ROBO2: variants seen among roughly 807,000 people sequenced by gnomAD.
ROBO2 encodes the protein roundabout guidance receptor 2.
In ROBO2, 53 loss-of-function variants were observed where a neutral mutation model predicts 160.8. The observed-to-expected ratio is 0.33, with a 90% confidence interval of 0.26 to 0.41. The LOEUF (loss-of-function observed/expected upper bound fraction) is 0.41, where lower values mean the gene tolerates loss of function less well. ROBO2 is among the 10% of genes least tolerant of loss of function. ROBO2 has a pLI of 1.00. For synonymous variants in ROBO2, 664 were observed against 611.7 expected (o/e 1.09, Z -1.26); for missense variants, 1,577 against 1,722.4 (o/e 0.92, Z 1.49).
intron 2 of ROBO2, among the ~76,000 whole-genome samples, chr3:77,296,837 G>A (rs1211570636): frequency 6.6e-6 from 1 of 152,074 alleles, no homozygotes; most frequent in Non-Finnish European, 1.5e-5. Flanking sequence ...AAGCTTCTAG[G>A]CCATTATACC....
intron 2 of ROBO2, among the ~76,000 whole-genome samples, chr3:76,664,977 C>A (rs757550766): frequency 6.6e-6 from 1 of 152,194 alleles, no homozygotes; most frequent in East Asian, 1.9e-4. Flanking sequence ...AGATGAATTG[C>A]GTGAGGGCCA....
intron 2 of ROBO2, among the ~76,000 whole-genome samples, chr3:76,700,670 C>T (rs865894717): frequency 3.9e-5 from 6 of 152,114 alleles, no homozygotes; most frequent in Admixed American, 2.0e-4. Flanking sequence ...TGACTATCTT[C>T]TTCAATGAAG....
intron 22 of ROBO2, among the ~76,000 whole-genome samples, chr3:77,621,978 C>G (rs1054830621): frequency 1.3e-5 from 2 of 151,938 alleles, no homozygotes; most frequent in African/African-American, 4.8e-5. Flanking sequence ...ATACTGGGCC[C>G]GTATTTTTTT....
At chr3:76,586,262 G>A (rs2086032486) in intron 2 of ROBO2, among the ~76,000 whole-genome samples, 1 of 152,198 alleles carries the variant, frequency 6.6e-6, no homozygotes, top group Non-Finnish European at 1.5e-5. Context: ...AAGTTTTCAT[G>A]TAGGTTGTAT....
intron 1 of ROBO2, among the ~76,000 whole-genome samples, chr3:75,931,482 G>T (rs1373664887): frequency 6.6e-6 from 1 of 151,986 alleles, no homozygotes; most frequent in African/African-American, 2.4e-5. Flanking sequence ...CTCCTGAGTA[G>T]CTGGGACTAC....
At chr3:76,798,311 A>AGAAAGAAAGAAAGAAG (rs2063925911) in intron 2 of ROBO2, among the ~76,000 whole-genome samples, 1 of 151,298 alleles carries the variant, frequency 6.6e-6, no homozygotes, top group South Asian at 2.1e-4. Flanking sequence ...AAAGAAAGAA[A>AGAAAGAAAGAAAGAAG]GAAAAAAGAA....
exon 26 of ROBO2, chr3:77,648,003 T>C (rs1239947886): frequency 1.3e-5 from 2 of 152,182 alleles, no homozygotes; most frequent in African/African-American, 2.4e-5. Context: ...TGCCATGTAA[T>C]TTATTTCTTC....
In ROBO2 at chr3:77,382,247, G is replaced by C. The variant is rs535412076; in HGVS notation, c.389-95167G>C. ...AAATTAACATTTAAAATTATACTTT[G>C]TGTTTAAGAATTGAGAAAATTTGAT... On this transcript the variant is annotated intron_variant, in intron 2 of 25. Transcript: ENST00000461745. Among the ~76,000 whole-genome samples the C allele has an allele frequency of 1.1e-3, 163 of 151,712 alleles. 1 individual carries two copies. The highest frequency in any genetic ancestry group is 2.1e-3 in the Non-Finnish European group (146 of 67,940).
chr3:76,851,741 CAAAAAAA>C lies in ROBO2; in HGVS notation c.110-246255_110-246249del, dbSNP rs71104629. Among the ~76,000 whole-genome samples, 44 of 63,248 alleles carry C rather than the reference CAAAAAAA, an allele frequency of 7.0e-4. 1 individual carries two copies. The East Asian group carries it at 0.012, about 17-fold the overall frequency. 41.5% of individuals were successfully genotyped at this position (63,248 alleles called of 152,430 possible). ...TGGGCGACAGAGCGAGACTCCGTCT[CAAAAAAA>C]AAAAAAAAAAAAAAAAATATTAACA... is the stretch of plus-strand genomic sequence containing the variant. On this transcript the variant is annotated intron_variant, in intron 2 of 26. Transcript: ENST00000487694.
At chr3:76,895,733 G>T (rs1167057110) in intron 2 of ROBO2, among the ~76,000 whole-genome samples, 1 of 152,128 alleles carries the variant, frequency 6.6e-6, no homozygotes, top group Non-Finnish European at 1.5e-5. Context: ...GAGTGCTTAA[G>T]AAAAGCTTTC....
At chr3:76,881,061 A>G (rs2073290902) in intron 2 of ROBO2, among the ~76,000 whole-genome samples, 1 of 152,166 alleles carries the variant, frequency 6.6e-6, no homozygotes, top group African/African-American at 2.4e-5. Flanking sequence ...GTGATGCTTA[A>G]TTACAATACA....
At chr3:77,639,908 C>T (rs1399414060) in intron 24 of ROBO2, among the ~76,000 whole-genome samples, 1 of 152,012 alleles carries the variant, frequency 6.6e-6, no homozygotes, top group Non-Finnish European at 1.5e-5. Flanking sequence ...GAATAGATGA[C>T]GGTGGTTCAT....
At chr3:76,534,950 T>C (rs938189032) in intron 2 of ROBO2, among the ~76,000 whole-genome samples, 1 of 151,918 alleles carries the variant, frequency 6.6e-6, no homozygotes, top group African/African-American at 2.4e-5. Flanking sequence ...GGGAGGCAGA[T>C]GGGCAGAAAG....
chr3:77,456,494 C>A (rs768875448), intron 2 of ROBO2, among the ~76,000 whole-genome samples: 1 of 152,144 alleles, frequency 6.6e-6, no homozygotes, highest in African/African-American at 2.4e-5. Flanking sequence ...GTGTGCAAAA[C>A]TTTCATTTTG....
chr3:76,466,424 T>C (rs1327105755), intron 2 of ROBO2, among the ~76,000 whole-genome samples: 1 of 151,942 alleles, frequency 6.6e-6, no homozygotes, highest in Non-Finnish European at 1.5e-5. Flanking sequence ...AGTACAAGCT[T>C]TTAGCAAGAT....
chr3:76,249,754 C>A (rs6790029), intron 2 of ROBO2, among the ~76,000 whole-genome samples: 48,162 of 151,866 alleles, frequency 0.32, 8,262 homozygotes, highest in Non-Finnish European at 0.4. Context: ...CTAACTGGAA[C>A]AAATGGAATG....
chr3:77,204,938 G>GC (rs2083272205), intron 2 of ROBO2, among the ~76,000 whole-genome samples: 1 of 152,204 alleles, frequency 6.6e-6, no homozygotes, highest in Non-Finnish European at 1.5e-5. Flanking sequence ...TAGCTCCCCT[G>GC]TTCAGTTGCT....
chr3:77,164,736 AG>A (rs1331141629), intron 2 of ROBO2, among the ~76,000 whole-genome samples: 3 of 77,382 alleles, frequency 3.9e-5, no homozygotes, highest in African/African-American at 1.3e-4. Flanking sequence ...CCGCCCGGCC[AG>A]CCACCCCGTC....
chr3:77,035,217 G>C (rs2063557337), upstream of ROBO2, among the ~76,000 whole-genome samples: 1 of 151,790 alleles, frequency 6.6e-6, no homozygotes, highest in Admixed American at 6.6e-5. Flanking sequence ...TGGGGCTGAG[G>C]GGGTAATGGA....
Sources: allele counts gnomAD v4.1 joint callset (sites outside exome capture counted in the v4.1 genomes callset), GRCh38; gene constraint gnomAD v4.1.1; transcripts MANE v1.5; gene names NCBI Gene and HGNC (gene_info 2026-07-23, HGNC 2026-07-21).